The following SNRPD3 variants were observed in gnomAD, a reference collection of about 807,000 sequenced individuals.
The protein encoded by SNRPD3 is small nuclear ribonucleoprotein Sm D3.
For synonymous variants in SNRPD3, 66 were observed against 58.4 expected (o/e 1.13, Z -0.59); for missense variants, 73 against 167.5 (o/e 0.44, Z 3.11).
chr22:24,569,156 A>G (rs1018642428), intron 3 of SNRPD3, among the ~76,000 whole-genome samples: 3 of 152,174 alleles, frequency 2.0e-5, no homozygotes, highest in Non-Finnish European at 4.4e-5. Context: ...ATGGATGGAC[A>G]CCAGCATGTA....
chr22:24,556,872 A>G lies in SNRPD3; in HGVS notation c.-18-785A>G, dbSNP rs569551641. On this transcript the variant is annotated intron_variant, in intron 1 of 3. Transcript: ENST00000215829. ...TGTTGCTCATCTCAATAAAAAGTTC[A>G]CTGCTTGATGCTTTTGATTAGGTCA... 8.0e-4 allele frequency among the ~76,000 whole-genome samples: 122 copies of G among 152,328 alleles called. 2 individuals are homozygous for G. The highest frequency in any genetic ancestry group is 2.8e-3 in the African/African-American group (116 of 41,572).
intron 2 of SNRPD3, among the ~76,000 whole-genome samples, chr22:24,560,090 A>ATTT (rs71189257): frequency 0.011 from 966 of 89,226 alleles, 65 homozygotes; most frequent in Admixed American, 0.039. Flanking sequence ...TTTATAAAGA[A>ATTT]TTTTTTTTTT....
chr22:24,559,965 C>A (rs1430370816), intron 2 of SNRPD3, among the ~76,000 whole-genome samples: 1 of 152,012 alleles, frequency 6.6e-6, no homozygotes, highest in Admixed American at 6.6e-5. Flanking sequence ...GGCTCTCTTC[C>A]TGTGTCTTCA....
chr22:24,562,987 C>A (rs2045157985), intron 2 of SNRPD3, among the ~76,000 whole-genome samples: 1 of 152,224 alleles, frequency 6.6e-6, no homozygotes, highest in African/African-American at 2.4e-5. Context: ...ATATCCTCGA[C>A]AACATCCCCA....
At chr22:24,568,250 C>A in intron 3 of SNRPD3, 74 bp downstream of exon 3, 2 of 1,169,460 alleles carry the variant, frequency 1.7e-6, no homozygotes, top group Non-Finnish European at 2.5e-6. Flanking sequence ...CCTATTACTG[C>A]CTGGAGACAG....
chr22:24,560,119 C>CCTTGCTCTGTCACCCAGGCTGCCGT (rs2045119537), intron 2 of SNRPD3, among the ~76,000 whole-genome samples: 2 of 100,228 alleles, frequency 2.0e-5, no homozygotes, highest in East Asian at 5.6e-4. Context: ...TGAGATGGAG[C>CCTTGCTCTGTCACCCAGGCTGCCGT]CTTGCTCTGT....
rs909746609 is a variant in SNRPD3, at chr22:24,572,166, G to A, written c.*189G>A. The A allele has an allele frequency of 2.1e-5, 25 of 1,177,576 alleles. No individual in the cohort carries two copies. In the East Asian group the frequency reaches 6.4e-4, roughly 30 times the overall value. The allele number at this position is 1,177,576 out of a possible 1,614,324, so 72.9% of individuals were successfully genotyped here. A position where few individuals can be genotyped will look rare whatever the true frequency, so the allele number is the denominator to read the frequency against. On this transcript the variant is annotated 3_prime_UTR_variant, in exon 4 of 4. Coordinates refer to ENST00000215829, the MANE Select transcript of SNRPD3 (RefSeq NM_004175.5). ...GTTTTGTTTTCTTTGAGAAAATAAG[G>A]ACTTTGTGTTCATTTGAAGTTTGCT...
chr22:24,563,310 T>A (rs1039991558), intron 2 of SNRPD3, among the ~76,000 whole-genome samples: 74 of 151,196 alleles, frequency 4.9e-4, no homozygotes, highest in Non-Finnish European at 8.5e-4. Context: ...ATATATATTT[T>A]TTTTTTTAAA....
intron 2 of SNRPD3, among the ~76,000 whole-genome samples, chr22:24,567,505 G>A (rs1204087953): frequency 6.6e-6 from 1 of 152,172 alleles, no homozygotes; most frequent in African/African-American, 2.4e-5. Flanking sequence ...CCAACACTTT[G>A]GGAGGCTGAA....
rs1270975597 is a variant in SNRPD3 at position 24,573,656 on chromosome 22, C to T, written c.*1679C>T. 1.3e-5 allele frequency among the ~76,000 whole-genome samples: 2 copies of T among 152,212 alleles called. No homozygotes were observed. Among genetic ancestry groups the T allele is most frequent in the Non-Finnish European group, 2.9e-5 (2 of 68,044 alleles). ...TTGGGAGGTCGAGGCGGGAGGATCA[C>T]TTGAACCTAGGAGTTTGAGACTAGC... On this transcript the variant is annotated 3_prime_UTR_variant, in exon 4 of 4. Transcript: ENST00000215829.
At chr22:24,566,700 G>C (rs1006555693) in intron 2 of SNRPD3, among the ~76,000 whole-genome samples, 3 of 152,222 alleles carry the variant, frequency 2.0e-5, no homozygotes, top group African/African-American at 7.2e-5. Flanking sequence ...AATAAGGGCT[G>C]ACCCATTCTA....
chr22:24,555,924 A>T, upstream of SNRPD3: 1 of 1,296,766 alleles, frequency 7.7e-7, no homozygotes, highest in Non-Finnish European at 1.1e-6. Context: ...CGCGCTCAAC[A>T]CTGGGGAAAG....
Position 24,572,050 on chromosome 22 carries a change from C to T in SNRPD3, c.*73C>T. 2 of 1,597,626 alleles carry T rather than the reference C, an allele frequency of 1.3e-6. No individual in the cohort carries two copies. Among genetic ancestry groups the T allele is most frequent in the South Asian group, 1.1e-5 (1 of 88,858 alleles). On this transcript the variant is annotated 3_prime_UTR_variant, in exon 4 of 4. Transcript: ENST00000215829. ...GAGTTCATTGGAGTGGGTGCTTGTG[C>T]ATATATGCTAGGTATCTTTTGCCAT... is the stretch of plus-strand genomic sequence containing the variant.
At chr22:24,568,684 G>A (rs899265323) in intron 3 of SNRPD3, among the ~76,000 whole-genome samples, 12 of 151,474 alleles carry the variant, frequency 7.9e-5, no homozygotes, top group Non-Finnish European at 1.2e-4. Context: ...AGACTCCTAA[G>A]TAGCTGGGAT....
At chr22:24,571,533 G>A (rs548155199) in intron 3 of SNRPD3, among the ~76,000 whole-genome samples, 7 of 152,272 alleles carry the variant, frequency 4.6e-5, no homozygotes, top group Middle Eastern at 3.4e-3. Flanking sequence ...GAGGTCAGGA[G>A]TTTAAGACCA....
chr22:24,570,816 T>TAA (rs2045243260), intron 3 of SNRPD3, among the ~76,000 whole-genome samples: 1 of 2,082 alleles, frequency 4.8e-4, no homozygotes, highest in South Asian at 8.9e-3. Flanking sequence ...GAAATAATTC[T>TAA]TTTTTTTTTT....
At chr22:24,569,436 G>A (rs1035348155) in intron 3 of SNRPD3, among the ~76,000 whole-genome samples, 1 of 152,194 alleles carries the variant, frequency 6.6e-6, no homozygotes. Flanking sequence ...TTTAGCTGCT[G>A]TACATGTTTT....
intron 2 of SNRPD3, among the ~76,000 whole-genome samples, chr22:24,564,425 C>G (rs2045176473): frequency 6.6e-6 from 1 of 152,170 alleles, no homozygotes; most frequent in Non-Finnish European, 1.5e-5. Flanking sequence ...GTGTTCCTGC[C>G]TGGAGTTGAT....
chr22:24,562,865 T>C (rs924189313), intron 2 of SNRPD3, among the ~76,000 whole-genome samples: 14 of 152,116 alleles, frequency 9.2e-5, no homozygotes, highest in Non-Finnish European at 1.5e-4. Flanking sequence ...TATATTCCAG[T>C]GTAAGATTAA....
Sources: gnomAD v4.1 joint callset for allele counts (sites outside exome capture counted in the v4.1 genomes callset) on GRCh38, gnomAD v4.1.1 for gene constraint, MANE v1.5 for transcripts, NCBI Gene and HGNC (gene_info 2026-07-23, HGNC 2026-07-21) for gene names.